CCSER1: variants seen among roughly 807,000 people sequenced by gnomAD.
The protein encoded by CCSER1 is serine-rich coiled-coil domain-containing protein 1.
CCSER1 carries 41 observed loss-of-function variants against 82.0 expected under a neutral mutation model. That is an observed-to-expected ratio of 0.50 (90% confidence interval 0.39 to 0.65). The LOEUF is 0.65. CCSER1 is among the 30% of genes least tolerant of loss of function. CCSER1 has a pLI of 0.00. For synonymous variants in CCSER1, 414 were observed against 383.9 expected, an observed-to-expected ratio of 1.08 and a Z score of -0.92; for missense variants, 1,119 against 1,064.2, an observed-to-expected ratio of 1.05 and a Z score of -0.72.
intron 1 of CCSER1, among the ~76,000 whole-genome samples, chr4:90,210,491 T>C (rs971486502): frequency 6.6e-6 from 1 of 151,226 alleles, no homozygotes; most frequent in Admixed American, 6.6e-5. Context: ...TTGCCCAGGC[T>C]GAAGTGAAGT....
chr4:91,390,617 T>G (rs1304524701), intron 10 of CCSER1, among the ~76,000 whole-genome samples: 1 of 151,886 alleles, frequency 6.6e-6, no homozygotes, highest in Non-Finnish European at 1.5e-5. Flanking sequence ...GAAGTATTCC[T>G]TATACTTTTA....
intron 7 of CCSER1, among the ~76,000 whole-genome samples, chr4:90,732,867 C>T (rs576106908): frequency 6.6e-6 from 1 of 152,152 alleles, no homozygotes; most frequent in East Asian, 1.9e-4. Context: ...GCATCTAATT[C>T]TTTTTTATGG....
chr4:91,024,902 A>G (rs1427365794), intron 9 of CCSER1, among the ~76,000 whole-genome samples: 1 of 152,106 alleles, frequency 6.6e-6, no homozygotes, highest in Non-Finnish European at 1.5e-5. Context: ...CTATTAGTAT[A>G]TTATATACAT....
intron 10 of CCSER1, among the ~76,000 whole-genome samples, chr4:91,258,950 T>C (rs962574617): frequency 6.6e-6 from 1 of 152,122 alleles, no homozygotes; most frequent in Non-Finnish European, 1.5e-5. Flanking sequence ...ATCTATGAAG[T>C]AGGAACCTGA....
intron 10 of CCSER1, among the ~76,000 whole-genome samples, chr4:91,185,357 G>T: frequency 6.6e-6 from 1 of 152,304 alleles, no homozygotes; most frequent in Non-Finnish European, 1.5e-5. Context: ...CTGAATCAAT[G>T]ACTCCTGTAT....
At chr4:90,858,649 T>C (rs1157339807) in intron 8 of CCSER1, among the ~76,000 whole-genome samples, 1 of 151,832 alleles carries the variant, frequency 6.6e-6, no homozygotes, top group African/African-American at 2.4e-5. Flanking sequence ...TAAAGGAAAA[T>C]AATGAATAAA....
rs142614892 is a variant in CCSER1 at position 90,553,247 on chromosome 4, C to T, written c.1725-74778C>T. 6.3e-3 allele frequency among the ~76,000 whole-genome samples: 963 copies of T among 152,284 alleles called. 8 individuals are homozygous for T. Among genetic ancestry groups the T allele is most frequent in the Middle Eastern group, 0.034 (10 of 294 alleles). On this transcript the variant is annotated intron_variant, in intron 5 of 10. Transcript: ENST00000509176. ...CCCCACAAAGTGCTGGGATTACAGG[C>T]GTGAGCCATTGCACCTGGCCAACAC... is the stretch of plus-strand genomic sequence containing the variant.
intron 6 of CCSER1, among the ~76,000 whole-genome samples, chr4:90,643,484 G>A (rs1726946714): frequency 6.6e-6 from 1 of 152,182 alleles, no homozygotes; most frequent in African/African-American, 2.4e-5. Context: ...CTAGTTAAAT[G>A]TTCTTAGGCA....
At chr4:90,356,150 C>A (rs1744340788) in intron 3 of CCSER1, among the ~76,000 whole-genome samples, 1 of 151,672 alleles carries the variant, frequency 6.6e-6, no homozygotes, top group South Asian at 2.1e-4. Flanking sequence ...ATAGTTTGCC[C>A]AACTTACAGT....
chr4:90,220,830 C>T (rs1406038790), intron 1 of CCSER1, among the ~76,000 whole-genome samples: 1 of 152,172 alleles, frequency 6.6e-6, no homozygotes, highest in Non-Finnish European at 1.5e-5. Context: ...TGTATCATTG[C>T]ACCACAATCA....
intron 3 of CCSER1, among the ~76,000 whole-genome samples, chr4:90,371,623 C>A (rs1220232465): frequency 6.6e-6 from 1 of 152,082 alleles, no homozygotes; most frequent in Admixed American, 6.6e-5. Flanking sequence ...TAATCAACAT[C>A]ATAATTAGGA....
intron 10 of CCSER1, among the ~76,000 whole-genome samples, chr4:91,512,022 G>A (rs961574456): frequency 6.6e-6 from 1 of 152,112 alleles, no homozygotes; most frequent in Non-Finnish European, 1.5e-5. Flanking sequence ...AGTTATCCTT[G>A]TAGAGATCTG....
chr4:90,401,216 A>C (rs1752824968), intron 4 of CCSER1, among the ~76,000 whole-genome samples: 1 of 152,112 alleles, frequency 6.6e-6, no homozygotes. Flanking sequence ...TTCTTGGGAC[A>C]TTTTTCCTGT....
chr4:91,474,243 C>A (rs774395408), intron 10 of CCSER1, among the ~76,000 whole-genome samples: 1 of 151,646 alleles, frequency 6.6e-6, no homozygotes, highest in Non-Finnish European at 1.5e-5. Flanking sequence ...TTTCATTATT[C>A]CCTATATAAC....
chr4:91,164,045 CA>C (rs2148984795), intron 10 of CCSER1, among the ~76,000 whole-genome samples: 2 of 152,260 alleles, frequency 1.3e-5, no homozygotes, highest in South Asian at 4.1e-4. Flanking sequence ...TACCTTTTGG[CA>C]TGTTTTTGCA....
intron 6 of CCSER1, among the ~76,000 whole-genome samples, chr4:90,636,747 A>C: frequency 6.6e-6 from 1 of 152,120 alleles, no homozygotes; most frequent in East Asian, 1.9e-4. Context: ...AAAACACTGA[A>C]ACTTCTCCTC....
At chr4:90,763,762 T>A (rs1419402621) in intron 7 of CCSER1, among the ~76,000 whole-genome samples, 10 of 152,134 alleles carry the variant, frequency 6.6e-5, no homozygotes, top group Admixed American at 3.3e-4. Context: ...TAGCTCTTCC[T>A]CACTGAGTCT....
chr4:91,470,514 A>T (rs983604715), intron 10 of CCSER1, among the ~76,000 whole-genome samples: 1 of 152,136 alleles, frequency 6.6e-6, no homozygotes, highest in African/African-American at 2.4e-5. Flanking sequence ...GATGACACGT[A>T]TACTTTGTTC....
chr4:90,890,065 T>A (rs551017530), intron 8 of CCSER1, among the ~76,000 whole-genome samples: 3 of 152,234 alleles, frequency 2.0e-5, no homozygotes, highest in South Asian at 2.1e-4. Context: ...TTCTAGATTT[T>A]AAAAAAAGTC....
Sources: gnomAD v4.1 joint callset for allele counts (sites outside exome capture counted in the v4.1 genomes callset) on GRCh38, gnomAD v4.1.1 for gene constraint, MANE v1.5 for transcripts, NCBI Gene and HGNC (gene_info 2026-07-23, HGNC 2026-07-21) for gene names.